The following STIMATE variants were observed in gnomAD, a reference collection of about 807,000 sequenced individuals.
The protein encoded by STIMATE is store-operated calcium entry regulator STIMATE.
Under a neutral mutation model 36.7 loss-of-function variants are expected in STIMATE, and 15 were observed. The ratio of observed to expected loss-of-function variants is 0.41; its 90% CI spans 0.27 to 0.63. The LOEUF (loss-of-function observed/expected upper bound fraction) is 0.63. Ranked by LOEUF, STIMATE falls within the 20% of genes least tolerant of loss-of-function variation. The pLI is 0.32. For missense variants in STIMATE, 305 were observed against 397.3 expected, an observed-to-expected ratio of 0.77 and a Z score of 1.98; for synonymous variants, 163 against 162.3, an observed-to-expected ratio of 1.00 and a Z score of -0.03.
At chr3:52,877,334 C>G (rs1370928916) in intron 1 of STIMATE, among the ~76,000 whole-genome samples, 1 of 152,248 alleles carries the variant, frequency 6.6e-6, no homozygotes. Context: ...GCTGTCATGA[C>G]CAAGTGGCAC....
intron 1 of STIMATE, among the ~76,000 whole-genome samples, chr3:52,860,090 A>G (rs1352649870): frequency 6.8e-6 from 1 of 146,788 alleles, no homozygotes; most frequent in African/African-American, 2.5e-5. Context: ...AGGAAATACT[A>G]AGAGAGCTTC....
intron 1 of STIMATE, among the ~76,000 whole-genome samples, chr3:52,864,105 T>G (rs4687560): frequency 0.25 from 37,892 of 152,210 alleles, 5,020 homozygotes; most frequent in Admixed American, 0.37. Context: ...GGTACCCCAG[T>G]GGGGACTCCG....
intron 1 of STIMATE, among the ~76,000 whole-genome samples, chr3:52,860,302 T>C (rs1483883072): frequency 6.6e-6 from 1 of 150,830 alleles, no homozygotes; most frequent in Non-Finnish European, 1.5e-5. Flanking sequence ...AGCATGGAGG[T>C]AAACACAGAG....
chr3:52,883,975 G>A (rs1701650989), intron 1 of STIMATE, among the ~76,000 whole-genome samples: 1 of 151,944 alleles, frequency 6.6e-6, no homozygotes, highest in Non-Finnish European at 1.5e-5. Context: ...TGTTGATTGG[G>A]GCTATACATC....
intron 5 of STIMATE, among the ~76,000 whole-genome samples, chr3:52,844,551 C>T (rs1044417290): frequency 6.6e-6 from 1 of 152,226 alleles, no homozygotes; most frequent in Non-Finnish European, 1.5e-5. Flanking sequence ...GTCGCAAGGC[C>T]TAAAAACCAC....
At chr3:52,895,442 G>T (rs1384861983) in intron 1 of STIMATE, among the ~76,000 whole-genome samples, 1 of 152,046 alleles carries the variant, frequency 6.6e-6, no homozygotes, top group Non-Finnish European at 1.5e-5. Context: ...ATCACCCCAG[G>T]ACCCACCAGC....
intron 1 of STIMATE, among the ~76,000 whole-genome samples, chr3:52,858,560 G>C (rs112375669): frequency 2.5e-3 from 384 of 152,296 alleles, no homozygotes; most frequent in African/African-American, 7.7e-3. Context: ...AGGAGGTTGA[G>C]GCTGCAGTGA....
In STIMATE at chr3:52,842,813, C is replaced by G. The variant is rs1700822596; in HGVS notation, c.766G>C (p.Glu256Gln). ...RAASHEESES[E>Q]ILISADDEME... ...TTGGAGAGTCAGGGAGGCCCTACCT[C>G]AGACTCAGACTCCTCGTGGGATGCG... Residue 256 changes from glutamate (E) to glutamine (Q), a missense_variant and splice_region_variant, in exon 7 of 8, where the codon GAG (glutamate) becomes CAG (glutamine). Physicochemically the swap from Glu to Gln is conservative, Grantham distance 29 (BLOSUM62 2). This residue lies in a region of STIMATE where 84 missense variants were observed against 82.4 expected (regional missense o/e 1.02). Transcript: ENST00000355083. The G allele has an allele frequency of 6.2e-7, 1 of 1,614,104 alleles. No homozygotes were observed. Among genetic ancestry groups the G allele is most frequent in the African/African-American group, 1.3e-5 (1 of 74,936 alleles).
At chr3:52,860,385 G>A (rs1037948374) in intron 1 of STIMATE, among the ~76,000 whole-genome samples, 4 of 152,144 alleles carry the variant, frequency 2.6e-5, no homozygotes, top group South Asian at 2.1e-4. Flanking sequence ...GAGAGCCCAC[G>A]CCCGAGGAAG....
At chr3:52,859,531 A>AAATTTT (rs748928249) in intron 1 of STIMATE, among the ~76,000 whole-genome samples, 8 of 18,828 alleles carry the variant, frequency 4.2e-4, no homozygotes, top group African/African-American at 5.1e-4. Flanking sequence ...AAAAAAAAAA[A>AAATTTT]TTTTTTTTTT....
At chr3:52,897,173 G>T (rs1049999270) in intron 1 of STIMATE, 118 bp downstream of exon 1, 128 of 1,331,864 alleles carry the variant, frequency 9.6e-5, no homozygotes, top group Non-Finnish European at 1.2e-4. Context: ...CTGGGTTTGC[G>T]GGGGAGGAGC....
chr3:52,855,032 G>A (rs1331085913), intron 2 of STIMATE, among the ~76,000 whole-genome samples: 2 of 152,212 alleles, frequency 1.3e-5, no homozygotes, highest in Non-Finnish European at 2.9e-5. Flanking sequence ...ATTTAGGCTA[G>A]TTTTTGCTTG....
intron 6 of STIMATE, 184 bp from the exon 7 acceptor site, chr3:52,843,144 G>A (rs569651983): frequency 1.4e-5 from 17 of 1,184,370 alleles, no homozygotes; most frequent in Middle Eastern, 2.9e-4. Context: ...CCACATCCTC[G>A]GGTTCAGTTT....
Position 52,859,176 on chromosome 3 carries a change from TAAATA to T in STIMATE, c.161-3737_161-3733del, listed in dbSNP as rs71087028. The stretch of plus-strand genomic sequence containing the variant: ...AGACTCCATCTCAAAAAAAATAAAA[TAAATA>T]AAATAAAATAAAATAAAATAAAAAA... On this transcript the variant is annotated intron_variant, in intron 1 of 7. Coordinates refer to ENST00000355083, the MANE Select transcript of STIMATE (RefSeq NM_198563.5). Among the ~76,000 whole-genome samples, 222 of 141,876 alleles carry T rather than the reference TAAATA, an allele frequency of 1.6e-3. 2 individuals are homozygous for T. The highest frequency in any genetic ancestry group is 7.1e-3 in the Middle Eastern group (2 of 282). The allele number at this position is 141,876 out of a possible 152,430, so 93.1% of individuals were successfully genotyped here. A position where few individuals can be genotyped will look rare whatever the true frequency, so the allele number is the denominator to read the frequency against.
intron 1 of STIMATE, among the ~76,000 whole-genome samples, chr3:52,885,437 C>T (rs1701674089): frequency 6.6e-6 from 1 of 152,176 alleles, no homozygotes; most frequent in African/African-American, 2.4e-5. Flanking sequence ...CTAGTTGAAA[C>T]CTAATATTAA....
chr3:52,860,473 C>T (rs373324187), intron 1 of STIMATE, among the ~76,000 whole-genome samples: 11 of 151,254 alleles, frequency 7.3e-5, no homozygotes, highest in African/African-American at 2.7e-4. Context: ...AACAGCAGGG[C>T]GTGCGGGAGA....
chr3:52,880,129 G>A (rs1701577123), intron 1 of STIMATE, among the ~76,000 whole-genome samples: 1 of 152,346 alleles, frequency 6.6e-6, no homozygotes, highest in Middle Eastern at 3.4e-3. Context: ...GCCAAGCATA[G>A]TTCATGAGAT....
intron 1 of STIMATE, among the ~76,000 whole-genome samples, chr3:52,864,115 G>A (rs1170752289): frequency 1.3e-5 from 2 of 152,348 alleles, no homozygotes; most frequent in Non-Finnish European, 2.9e-5. Flanking sequence ...TGGGGACTCC[G>A]TGTGGGGGCT....
At chr3:52,870,087 C>A (rs1701377301) in intron 1 of STIMATE, among the ~76,000 whole-genome samples, 1 of 152,194 alleles carries the variant, frequency 6.6e-6, no homozygotes, top group African/African-American at 2.4e-5. Flanking sequence ...AAGCACACAT[C>A]TGGCTTCAGC....
Sources: gnomAD v4.1 joint callset for allele counts (sites outside exome capture counted in the v4.1 genomes callset) on GRCh38, gnomAD v4.1.1 for gene constraint, gnomAD v4.1.1 regional missense constraint, MANE v1.5 for transcripts, NCBI Gene and HGNC (gene_info 2026-07-23, HGNC 2026-07-21) for gene names.